FGF13: variants seen among roughly 807,000 people sequenced by gnomAD.
FGF13 encodes the protein fibroblast growth factor 13.
In FGF13, 2 loss-of-function variants were observed where a neutral mutation model predicts 19.5. That is an observed-to-expected ratio of 0.10 (90% CI 0.04 to 0.32). FGF13 has a LOEUF of 0.32. Among genes scored for constraint, FGF13 ranks in the 10% least tolerant of loss-of-function variants. The probability of loss-of-function intolerance (pLI) is 1.00; values close to 1 mark genes in which losing one functional copy is unlikely to be tolerated. For missense variants in FGF13, 113 were observed against 192.7 expected (o/e 0.59, Z 2.45); for synonymous variants, 72 against 76.9 (o/e 0.94, Z 0.33).
intron 3 of FGF13, among the ~76,000 whole-genome samples, chrX:138,759,920 C>T (rs1003859620): frequency 9.0e-6 from 1 of 111,494 alleles, no homozygotes; most frequent in African/African-American, 3.3e-5. Flanking sequence ...TTCTCTATAC[C>T]TAACGATTAG....
chrX:138,839,308 C>T (rs1048086784), intron 3 of FGF13, among the ~76,000 whole-genome samples: 9 of 111,025 alleles, frequency 8.1e-5, no homozygotes, highest in African/African-American at 2.3e-4. Flanking sequence ...AAAAATTTTC[C>T]ACTCTATGGT....
At chrX:138,875,608 C>T (rs902229909) in intron 1 of FGF13, among the ~76,000 whole-genome samples, 2 of 111,343 alleles carry the variant, frequency 1.8e-5, no homozygotes, top group Non-Finnish European at 1.9e-5. Flanking sequence ...TTTTCTTAAT[C>T]GGTAGACTGA....
Position 138,628,241 on chromosome X carries a change from T to G in FGF13, c.*4609A>C, listed in dbSNP as rs945539017. 8.9e-6 allele frequency: 1 copy of G among 112,041 alleles called. No individual in the cohort carries two copies. The highest frequency in any genetic ancestry group is 1.9e-5 in the Non-Finnish European group (1 of 53,245). The allele number at this position is 112,041 out of a possible 1,213,427, so 9.2% of individuals were successfully genotyped here. A position where few individuals can be genotyped will look rare whatever the true frequency, so the allele number is the denominator to read the frequency against. ...GACCACATCTTTGTGGACAGAGCAATAAAAGTTATGAAAAGCTGTCTTTGT... is the reference window on the plus strand; with the variant it reads ...GACCACATCTTTGTGGACAGAGCAAGAAAAGTTATGAAAAGCTGTCTTTGT... On this transcript the variant is annotated 3_prime_UTR_variant, in exon 5 of 5. Coordinates refer to ENST00000315930, the MANE Select transcript of FGF13 (RefSeq NM_004114.5).
At chrX:138,761,388 G>A (rs1327856172) in intron 3 of FGF13, among the ~76,000 whole-genome samples, 1 of 111,029 alleles carries the variant, frequency 9.0e-6, no homozygotes, top group Non-Finnish European at 1.9e-5. Flanking sequence ...TGCTCTCCCG[G>A]AGCTCTGAGT....
At chrX:138,946,941 C>A (rs1569428040) in intron 1 of FGF13, among the ~76,000 whole-genome samples, 1 of 112,088 alleles carries the variant, frequency 8.9e-6, no homozygotes, top group East Asian at 2.8e-4. Flanking sequence ...ATAAATAGAC[C>A]ATTTCAGTAC....
At chrX:139,167,462 C>G (rs2084096029) in intron 1 of FGF13, among the ~76,000 whole-genome samples, 1 of 111,701 alleles carries the variant, frequency 9.0e-6, no homozygotes, top group South Asian at 3.8e-4. Flanking sequence ...ACTTTTTATT[C>G]CTGAAATCTG....
At chrX:139,099,406 A>G (rs1387203272) in intron 1 of FGF13, among the ~76,000 whole-genome samples, 1 of 109,091 alleles carries the variant, frequency 9.2e-6, no homozygotes, top group Non-Finnish European at 1.9e-5. Flanking sequence ...AAAGAAAGAA[A>G]AGGAAAGAAA....
intron 1 of FGF13, among the ~76,000 whole-genome samples, chrX:139,194,982 C>T (rs939822826): frequency 8.9e-6 from 1 of 112,002 alleles, no homozygotes; most frequent in African/African-American, 3.3e-5. Flanking sequence ...CAGGAAGGCG[C>T]TTTGTCATGC....
At chrX:139,150,067 C>A (rs930100865) in intron 1 of FGF13, among the ~76,000 whole-genome samples, 3 of 111,712 alleles carry the variant, frequency 2.7e-5, no homozygotes, top group African/African-American at 9.8e-5. Flanking sequence ...TTGGCTAATT[C>A]TCTCCATCTG....
At chrX:138,961,008 CTG>C (rs2091866819) in intron 1 of FGF13, among the ~76,000 whole-genome samples, 1 of 111,532 alleles carries the variant, frequency 9.0e-6, no homozygotes, top group Non-Finnish European at 1.9e-5. Context: ...AAGCCTACTT[CTG>C]TCAACTCGTC....
chrX:138,702,838 T>C lies in FGF13; in HGVS notation c.402+146A>G, dbSNP rs772908167. 8.8e-6 allele frequency: 4 copies of C among 455,226 alleles called. No individual in the cohort carries two copies. The South Asian group carries it at 1.1e-4, about 12-fold the overall frequency. The allele number at this position is 455,226 out of a possible 1,213,427, so 37.5% of individuals were successfully genotyped here. A position where few individuals can be genotyped will look rare whatever the true frequency, so the allele number is the denominator to read the frequency against. On this transcript the variant is annotated intron_variant, in intron 3 of 4. Coordinates refer to ENST00000315930, the MANE Select transcript of FGF13 (RefSeq NM_004114.5). Reference sequence around the variant, plus strand: ...TAATAGATATATTTTTCACAGAAAGTTAATCTGTCCTTTCAATGAAATATT... The same window carrying C: ...TAATAGATATATTTTTCACAGAAAGCTAATCTGTCCTTTCAATGAAATATT...
chrX:139,163,213 TA>T (rs1177717264), intron 1 of FGF13, among the ~76,000 whole-genome samples: 1 of 111,543 alleles, frequency 9.0e-6, no homozygotes, highest in Admixed American at 9.5e-5. Flanking sequence ...TATGCAGCCA[TA>T]AAAAAGGATG....
chrX:139,092,128 G>A (rs2083443225), intron 1 of FGF13, among the ~76,000 whole-genome samples: 1 of 111,302 alleles, frequency 9.0e-6, no homozygotes. Context: ...AGGAAAGGAG[G>A]GGTGGCTGCC....
chrX:138,627,583 TAG>T lies in FGF13; in HGVS notation c.*5265_*5266del, dbSNP rs1491518593. On this transcript the variant is annotated 3_prime_UTR_variant, in exon 5 of 5. Transcript: ENST00000315930. ...CTCTGAGTTCTTTTGGAGGCCCATC[TAG>T]TGTGTGTGTGCCTGTGTGTGTGTGT... is the stretch of plus-strand genomic sequence containing the variant. The T allele has an allele frequency of 1.1e-5, 1 of 89,222 alleles. No homozygotes were observed. The highest frequency in any genetic ancestry group is 2.2e-5 in the Non-Finnish European group (1 of 45,829). The allele number at this position is 89,222 out of a possible 1,213,427, so 7.4% of individuals were successfully genotyped here. A position where few individuals can be genotyped will look rare whatever the true frequency, so the allele number is the denominator to read the frequency against.
chrX:138,931,652 T>C (rs1372605196), intron 1 of FGF13, among the ~76,000 whole-genome samples: 1 of 111,807 alleles, frequency 8.9e-6, no homozygotes. Context: ...CATAGCTATA[T>C]GTGAATAGAG....
At chrX:139,003,240 A>G (rs1449981376) in intron 1 of FGF13, among the ~76,000 whole-genome samples, 1 of 107,322 alleles carries the variant, frequency 9.3e-6, no homozygotes, top group African/African-American at 3.5e-5. Flanking sequence ...CTTCGCGGTG[A>G]GTGTTACAGC....
chrX:138,909,571 A>G (rs771436311), intron 1 of FGF13, among the ~76,000 whole-genome samples: 1 of 111,825 alleles, frequency 8.9e-6, no homozygotes, highest in South Asian at 3.8e-4. Context: ...ATTGTTTCCC[A>G]ACTTTGTGCT....
At chrX:139,109,531 A>G (rs1481496854) in intron 1 of FGF13, among the ~76,000 whole-genome samples, 1 of 111,678 alleles carries the variant, frequency 9.0e-6, no homozygotes. Flanking sequence ...TTTCTCGGCT[A>G]TTAAGAGTAT....
At chrX:138,830,254 C>T (rs1393534951) in intron 3 of FGF13, among the ~76,000 whole-genome samples, 2 of 111,429 alleles carry the variant, frequency 1.8e-5, no homozygotes, top group African/African-American at 6.5e-5. Context: ...CTGGTGAAGG[C>T]TCAAAAGAAG....
Sources: gnomAD v4.1 joint callset for allele counts (sites outside exome capture counted in the v4.1 genomes callset) on GRCh38, gnomAD v4.1.1 for gene constraint, MANE v1.5 for transcripts, NCBI Gene and HGNC (gene_info 2026-07-23, HGNC 2026-07-21) for gene names.